The following NEK10 variants were observed in gnomAD, a reference collection of about 807,000 sequenced individuals.
NEK10 encodes the protein NIMA related kinase 10.
NEK10 carries 122 observed loss-of-function variants against 159.8 expected under a neutral mutation model. The ratio of observed to expected loss-of-function variants is 0.76; its 90% CI spans 0.66 to 0.89. NEK10 has a LOEUF of 0.89. Among genes scored for constraint, NEK10 ranks in the 40% least tolerant of loss-of-function variants. NEK10 has a pLI of 0.00. For synonymous variants in NEK10, 466 were observed against 457.1 expected, an observed-to-expected ratio of 1.02 and a Z score of -0.25; for missense variants, 1,342 against 1,323.1, an observed-to-expected ratio of 1.01 and a Z score of -0.22.
At chr3:27,335,595 T>C (rs1052397738) in intron 5 of NEK10, among the ~76,000 whole-genome samples, 3 of 152,148 alleles carry the variant, frequency 2.0e-5, no homozygotes, top group Admixed American at 6.5e-5. Context: ...ACATTCTCCA[T>C]GATAGACCAT....
chr3:27,175,412 C>T (rs1374069944), intron 26 of NEK10, among the ~76,000 whole-genome samples: 4 of 152,174 alleles, frequency 2.6e-5, no homozygotes, highest in African/African-American at 7.2e-5. Context: ...TCCTCCAAAA[C>T]GGATGGATGC....
intron 23 of NEK10, among the ~76,000 whole-genome samples, chr3:27,220,130 G>A (rs1027408585): frequency 8.5e-5 from 13 of 152,194 alleles, no homozygotes; most frequent in Non-Finnish European, 1.5e-5. Context: ...ACTTGCCATT[G>A]TTTAAATGGC....
At chr3:27,305,384 C>T (rs910167216) in intron 11 of NEK10, among the ~76,000 whole-genome samples, 2 of 152,062 alleles carry the variant, frequency 1.3e-5, no homozygotes, top group East Asian at 1.9e-4. Flanking sequence ...ATTGGCAGGG[C>T]GTGGTGGTGT....
intron 1 of NEK10, among the ~76,000 whole-genome samples, chr3:27,367,089 C>T (rs985431774): frequency 1.3e-5 from 2 of 152,052 alleles, no homozygotes; most frequent in African/African-American, 2.4e-5. Flanking sequence ...GGATTCACGG[C>T]ATGAGCCACC....
chr3:27,334,576 G>T (rs970005670), intron 5 of NEK10, among the ~76,000 whole-genome samples: 11 of 152,126 alleles, frequency 7.2e-5, no homozygotes, highest in African/African-American at 2.2e-4. Context: ...CTACACCCCA[G>T]CCTCCAATAA....
chr3:27,138,767 G>C (rs1260241128), intron 31 of NEK10, among the ~76,000 whole-genome samples: 2 of 152,162 alleles, frequency 1.3e-5, no homozygotes, highest in African/African-American at 4.8e-5. Flanking sequence ...GTTGCCAATA[G>C]GACATGGGAT....
rs553226425 is a variant in NEK10, at chr3:27,262,300, A to G, written c.2015-5929T>C. ...CATTTCAACTTCGGTGAATCTGACA[A>G]TTATGTGTCTTGGAGTTGCTCTTCT... On this transcript the variant is annotated intron_variant, in intron 22 of 35. Coordinates refer to ENST00000691995, the MANE Select transcript of NEK10 (RefSeq NM_001394966.1). Among the ~76,000 whole-genome samples, 913 of 152,166 alleles carry G rather than the reference A, an allele frequency of 6.0e-3. 3 individuals carry two copies. The highest frequency in any genetic ancestry group is 0.021 in the African/African-American group (868 of 41,522).
intron 26 of NEK10, among the ~76,000 whole-genome samples, chr3:27,177,644 T>C (rs1398741314): frequency 1.3e-5 from 2 of 152,192 alleles, no homozygotes; most frequent in South Asian, 2.1e-4. Flanking sequence ...ATAAACCATA[T>C]GCCACACATT....
intron 26 of NEK10, among the ~76,000 whole-genome samples, chr3:27,180,291 A>G (rs1401379370): frequency 6.6e-6 from 1 of 151,900 alleles, no homozygotes; most frequent in African/African-American, 2.4e-5. Flanking sequence ...GCTATTGAGG[A>G]GGCGAAGGCA....
In NEK10 at chr3:27,283,149, T is replaced by C. The variant is rs62255592; in HGVS notation, c.2014+1453A>G. 1.0e-3 allele frequency among the ~76,000 whole-genome samples: 156 copies of C among 152,200 alleles called. 1 individual carries two copies. The highest frequency in any genetic ancestry group is 3.1e-3 in the South Asian group (15 of 4,830). ...AATCTTATCATCATTCCTGAACACATGTTGTTATAGCAAATGTGTACATTT... is the reference window on the plus strand; with the variant it reads ...AATCTTATCATCATTCCTGAACACACGTTGTTATAGCAAATGTGTACATTT... On this transcript the variant is annotated intron_variant, in intron 22 of 35. Coordinates refer to ENST00000691995, the MANE Select transcript of NEK10 (RefSeq NM_001394966.1).
chr3:27,297,522 G>A (rs1455795638), intron 13 of NEK10, among the ~76,000 whole-genome samples: 1 of 152,124 alleles, frequency 6.6e-6, no homozygotes, highest in Non-Finnish European at 1.5e-5. Context: ...TATTGCATCT[G>A]TCCATTTCAT....
In NEK10 at chr3:27,107,137, C is replaced by T. The variant is rs552115542; in HGVS notation, c.*4135G>A. Among the ~76,000 whole-genome samples, 12 of 152,026 alleles carry T rather than the reference C, an allele frequency of 7.9e-5. No individual in the cohort carries two copies. The highest frequency in any genetic ancestry group is 1.6e-4 in the Non-Finnish European group (11 of 67,990). On this transcript the variant is annotated 3_prime_UTR_variant, in exon 36 of 36. Coordinates refer to ENST00000691995, the MANE Select transcript of NEK10 (RefSeq NM_001394966.1). ...TACATGCAATAAAGCATCTAGTATA[C>T]CTCACATAGCAAGTATGCAGCTGTG...
chr3:27,335,288 C>T (rs753993835), intron 5 of NEK10, among the ~76,000 whole-genome samples: 4 of 148,842 alleles, frequency 2.7e-5, no homozygotes, highest in Non-Finnish European at 4.4e-5. Flanking sequence ...TGCAGTGAGC[C>T]GAGAATGCAC....
chr3:27,247,218 G>A (rs1329027992), intron 23 of NEK10, among the ~76,000 whole-genome samples: 2 of 152,108 alleles, frequency 1.3e-5, no homozygotes, highest in Non-Finnish European at 2.9e-5. Context: ...TCAAGAAGAG[G>A]TTTTCAATTT....
intron 5 of NEK10, among the ~76,000 whole-genome samples, chr3:27,322,916 G>A (rs895288797): frequency 2.0e-5 from 3 of 152,200 alleles, no homozygotes; most frequent in Non-Finnish European, 4.4e-5. Context: ...GAGTAGCACT[G>A]AGGGTGTTTT....
intron 5 of NEK10, among the ~76,000 whole-genome samples, chr3:27,324,220 A>G (rs930186147): frequency 6.6e-6 from 1 of 152,230 alleles, no homozygotes; most frequent in African/African-American, 2.4e-5. Flanking sequence ...TAGTAAATGC[A>G]GTCAAAATGT....
At chr3:27,144,000 C>T (rs560136412) in intron 30 of NEK10, among the ~76,000 whole-genome samples, 2 of 152,154 alleles carry the variant, frequency 1.3e-5, no homozygotes, top group African/African-American at 2.4e-5. Flanking sequence ...ACATAAAATG[C>T]GTTTTCTATT....
intron 30 of NEK10, among the ~76,000 whole-genome samples, chr3:27,161,444 A>G (rs1946003299): frequency 6.6e-6 from 1 of 152,222 alleles, no homozygotes; most frequent in South Asian, 2.1e-4. Flanking sequence ...TATATTCACT[A>G]TAAACATTAG....
intron 22 of NEK10, among the ~76,000 whole-genome samples, chr3:27,282,866 G>A (rs1307508410): frequency 6.6e-6 from 1 of 151,118 alleles, no homozygotes; most frequent in African/African-American, 2.4e-5. Context: ...GGAAATATAA[G>A]TTCAATTTAT....
Sources: allele counts gnomAD v4.1 joint callset (sites outside exome capture counted in the v4.1 genomes callset), GRCh38; gene constraint gnomAD v4.1.1; transcripts MANE v1.5; gene names NCBI Gene and HGNC (gene_info 2026-07-23, HGNC 2026-07-21).